Variants in THSD4 observed in about 807,000 individuals in gnomAD.
The protein encoded by THSD4 is thrombospondin type 1 domain containing 4, also known as thrombospondin type-1 domain-containing protein 4.
THSD4 carries 69 observed loss-of-function variants against 119.0 expected under a neutral mutation model. The ratio of observed to expected loss-of-function variants is 0.58; its 90% CI spans 0.48 to 0.71. THSD4 has a LOEUF of 0.71. Among genes scored for constraint, THSD4 ranks in the 30% least tolerant of loss-of-function variants. The pLI is 0.00. For missense variants in THSD4, 1,393 were observed against 1,391.1 expected (o/e 1.00, Z -0.02); for synonymous variants, 524 against 540.4 (o/e 0.97, Z 0.42).
chr15:71,108,528 C>A (rs1349605952), intron 1 of THSD4, among the ~76,000 whole-genome samples: 3 of 152,174 alleles, frequency 2.0e-5, no homozygotes, highest in African/African-American at 4.8e-5. Context: ...GCCTGAAGCC[C>A]CTGGTTTTCT....
intron 3 of THSD4, among the ~76,000 whole-genome samples, chr15:71,170,906 C>T (rs1288788009): frequency 6.6e-6 from 1 of 151,996 alleles, no homozygotes; most frequent in Non-Finnish European, 1.5e-5. Context: ...GAAAAATATA[C>T]TGGATGGGAT....
intron 6 of THSD4, among the ~76,000 whole-genome samples, chr15:71,382,420 C>T (rs934643490): frequency 6.6e-6 from 1 of 152,188 alleles, no homozygotes; most frequent in Non-Finnish European, 1.5e-5. Flanking sequence ...CAATTTCCTT[C>T]TAATTTTAGC....
In THSD4 at chr15:71,783,189, T is replaced by A. The variant is rs1194311727; in HGVS notation, c.*5815T>A. On this transcript the variant is annotated 3_prime_UTR_variant, in exon 18 of 18. Coordinates refer to ENST00000261862, the MANE Select transcript of THSD4 (RefSeq NM_024817.3). ...GCGAATTATGTGAGTAAATATGGTC[T>A]GTTTTCTCTTCAGCAAAAATGACTA... 1.3e-5 allele frequency: 2 copies of A among 152,258 alleles called. No individual in the cohort carries two copies. Among genetic ancestry groups the A allele is most frequent in the African/African-American group, 2.4e-5 (1 of 41,468 alleles). 9.4% of individuals were successfully genotyped at this position (152,258 alleles called of 1,614,324 possible). A position where few individuals can be genotyped will look rare whatever the true frequency, so the allele number is the denominator to read the frequency against.
chr15:71,737,772 C>T lies in THSD4; in HGVS notation c.1671C>T (p.Ser557=), dbSNP rs768835711. Residue 557 remains serine, a synonymous_variant, in exon 11 of 18, where the codon AGC becomes AGT. Transcript: ENST00000261862. ...FNGQMVTEGR[S]QEEGEQKGRN... ...GCCAGATGGTGACAGAAGGCAGGAG[C>T]CAGGAGGAGGGAGAACAGAAAGGGA... 9 of 1,613,296 alleles carry T rather than the reference C, an allele frequency of 5.6e-6. No homozygotes were observed. Among genetic ancestry groups the T allele is most frequent in the African/African-American group, 1.3e-5 (1 of 74,918 alleles).
chr15:71,658,183 G>T (rs1012419898), intron 7 of THSD4, among the ~76,000 whole-genome samples: 4 of 152,130 alleles, frequency 2.6e-5, no homozygotes, highest in Non-Finnish European at 5.9e-5. Context: ...GACATCTGGG[G>T]GTTGCTGATG....
chr15:71,477,738 G>A lies in THSD4; in HGVS notation c.1152+65915G>A, dbSNP rs114485210. 5.3e-3 allele frequency among the ~76,000 whole-genome samples: 805 copies of A among 151,970 alleles called. 8 individuals carry two copies. The highest frequency in any genetic ancestry group is 0.018 in the African/African-American group (763 of 41,414). The stretch of plus-strand genomic sequence containing the variant: ...CCAGTGCAGCCCAGATCTTCCTCCC[G>A]TCTCCTGCCCTGCATCAGCATCCCT... On this transcript the variant is annotated intron_variant, in intron 7 of 17. Transcript: ENST00000261862.
intron 7 of THSD4, among the ~76,000 whole-genome samples, chr15:71,572,402 C>G (rs1268447275): frequency 6.6e-6 from 1 of 152,184 alleles, no homozygotes; most frequent in Non-Finnish European, 1.5e-5. Flanking sequence ...TCAAACTCAC[C>G]TGTAGTAGTG....
At chr15:71,354,090 A>C (rs1179177569) in intron 6 of THSD4, among the ~76,000 whole-genome samples, 1 of 152,204 alleles carries the variant, frequency 6.6e-6, no homozygotes, top group African/African-American at 2.4e-5. Context: ...TGAGCCCAAG[A>C]GTTCCAGACC....
chr15:71,338,746 A>G (rs760407405), intron 6 of THSD4, among the ~76,000 whole-genome samples: 7 of 152,154 alleles, frequency 4.6e-5, no homozygotes, highest in African/African-American at 1.7e-4. Context: ...AGCAACAGAC[A>G]CTTGGTGGGA....
At chr15:71,545,769 A>AT (rs1182210461) in intron 7 of THSD4, among the ~76,000 whole-genome samples, 9 of 152,240 alleles carry the variant, frequency 5.9e-5, no homozygotes, top group Admixed American at 5.2e-4. Context: ...TATCCTCACT[A>AT]TACCTTTTTT....
At chr15:71,770,246 C>CAAAA (rs776324670) in intron 16 of THSD4, among the ~76,000 whole-genome samples, 2 of 46,152 alleles carry the variant, frequency 4.3e-5, no homozygotes, top group Non-Finnish European at 7.6e-5. Flanking sequence ...GAAACTCCAT[C>CAAAA]AAAAAAAAAA....
intron 3 of THSD4, among the ~76,000 whole-genome samples, chr15:71,209,468 T>A (rs1403380926): frequency 6.6e-6 from 1 of 152,224 alleles, no homozygotes; most frequent in Non-Finnish European, 1.5e-5. Flanking sequence ...GTATTTTTGC[T>A]CTTCCACTGG....
At chr15:71,142,406 C>T (rs887619469) in intron 2 of THSD4, among the ~76,000 whole-genome samples, 2 of 152,112 alleles carry the variant, frequency 1.3e-5, no homozygotes, top group Non-Finnish European at 2.9e-5. Flanking sequence ...TTTAAAAAGG[C>T]TGACAGAGCC....
chr15:71,680,297 A>G lies in THSD4; in HGVS notation c.1357+19563A>G, dbSNP rs564934216. ...GGTTCTCTAAGCCTTCTCCCATACA[A>G]AGGTCCCAATCCAAACAGCAGGTTC... On this transcript the variant is annotated intron_variant, in intron 8 of 17. Coordinates refer to ENST00000261862, the MANE Select transcript of THSD4 (RefSeq NM_024817.3). Among the ~76,000 whole-genome samples, 11 of 152,268 alleles carry G rather than the reference A, an allele frequency of 7.2e-5. No homozygotes were observed. The South Asian group carries it at 1.5e-3, about 20-fold the overall frequency.
At chr15:71,407,945 G>A (rs988164327) in intron 6 of THSD4, among the ~76,000 whole-genome samples, 6 of 152,182 alleles carry the variant, frequency 3.9e-5, no homozygotes, top group Admixed American at 1.3e-4. Flanking sequence ...GCTTTAGTGT[G>A]TGGACAGGAT....
At chr15:71,247,357 G>A (rs867390318) in intron 5 of THSD4, among the ~76,000 whole-genome samples, 1 of 152,192 alleles carries the variant, frequency 6.6e-6, no homozygotes, top group Admixed American at 6.5e-5. Context: ...TTGATTGCGT[G>A]GGGTGAGGTG....
At chr15:71,659,996 C>G (rs531449614) in intron 7 of THSD4, among the ~76,000 whole-genome samples, 1 of 151,684 alleles carries the variant, frequency 6.6e-6, no homozygotes, top group Non-Finnish European at 1.5e-5. Context: ...AAGGAAAAGT[C>G]CTGCTTCTGA....
intron 7 of THSD4, among the ~76,000 whole-genome samples, chr15:71,601,076 T>A (rs1242667403): frequency 6.6e-6 from 1 of 152,134 alleles, no homozygotes; most frequent in Non-Finnish European, 1.5e-5. Context: ...ATGAGGAAAC[T>A]TGGTTTTGGT....
At chr15:71,592,328 A>G (rs2049822762) in intron 7 of THSD4, among the ~76,000 whole-genome samples, 1 of 152,168 alleles carries the variant, frequency 6.6e-6, no homozygotes, top group Non-Finnish European at 1.5e-5. Context: ...GAGCTGCAGG[A>G]CGCAGTGGCA....
Sources: gnomAD v4.1 joint callset for allele counts (sites outside exome capture counted in the v4.1 genomes callset) on GRCh38, gnomAD v4.1.1 for gene constraint, MANE v1.5 for transcripts, NCBI Gene and HGNC (gene_info 2026-07-23, HGNC 2026-07-21) for gene names.